The following DPYSL5 variants were observed in gnomAD, a reference collection of about 807,000 sequenced individuals.
DPYSL5 encodes dihydropyrimidinase like 5.
Under a neutral mutation model 58.4 loss-of-function variants are expected in DPYSL5, and 9 were observed. The observed-to-expected ratio is 0.15, with a 90% confidence interval of 0.09 to 0.27. The LOEUF (loss-of-function observed/expected upper bound fraction) is 0.27. Among genes scored for constraint, DPYSL5 ranks in the 10% least tolerant of loss-of-function variants. DPYSL5 has a pLI of 1.00. For missense variants in DPYSL5, 499 were observed against 770.6 expected (o/e 0.65, Z 4.17); for synonymous variants, 293 against 301.9 (o/e 0.97, Z 0.31).
chr2:26,881,137 G>A (rs1214970394), intron 1 of DPYSL5, among the ~76,000 whole-genome samples: 1 of 152,106 alleles, frequency 6.6e-6, no homozygotes, highest in African/African-American at 2.4e-5. Flanking sequence ...GCACAGCCAA[G>A]GTCACTGCCC....
chr2:26,912,538 T>C (rs1664468317), intron 2 of DPYSL5, among the ~76,000 whole-genome samples: 1 of 152,152 alleles, frequency 6.6e-6, no homozygotes, highest in Non-Finnish European at 1.5e-5. Flanking sequence ...GCTAAGGATG[T>C]GGGTGACAAA....
At position 26,944,938 on chromosome 2, in the gene DPYSL5, A is replaced by G. The variant is rs3739089; in HGVS notation, c.1609+114A>G. ...TGTCCTCTCCTCCCTCCCGTTGCCT[A>G]TTTCCAGGGATGAGTGCTGGTTTGG... On this transcript the variant is annotated intron_variant, in intron 12 of 12. Coordinates refer to ENST00000288699, the MANE Select transcript of DPYSL5 (RefSeq NM_020134.4). The surrounding 1 kb of genome is among the most constrained non-coding windows in gnomAD (Gnocchi z 4.4). The G allele has an allele frequency of 1.4e-5, 14 of 1,015,372 alleles. No homozygotes were observed. In the East Asian group the frequency reaches 3.3e-4, roughly 24 times the overall value. The allele number at this position is 1,015,372 out of a possible 1,614,324, so 62.9% of individuals were successfully genotyped here.
chr2:26,946,869 CACA>C, intron 12 of DPYSL5, 38 bp from the exon 13 acceptor site: 1 of 1,551,612 alleles, frequency 6.4e-7, no homozygotes, highest in Non-Finnish European at 8.9e-7. Context: ...TGTTAGCAGG[CACA>C]AGAGCCCGTC....
At chr2:26,880,824 T>G (rs1663542130) in intron 1 of DPYSL5, among the ~76,000 whole-genome samples, 1 of 152,134 alleles carries the variant, frequency 6.6e-6, no homozygotes, top group Non-Finnish European at 1.5e-5. Flanking sequence ...TCTTACAACT[T>G]CCCCAACCCA....
At chr2:26,880,453 G>A (rs1195991293) in intron 1 of DPYSL5, among the ~76,000 whole-genome samples, 4 of 152,166 alleles carry the variant, frequency 2.6e-5, no homozygotes, top group African/African-American at 9.7e-5. Flanking sequence ...TCCTGCTCCC[G>A]CTGTGCCAGG....
At chr2:26,882,111 A>AAG (rs1663583943) in intron 1 of DPYSL5, among the ~76,000 whole-genome samples, 1 of 149,092 alleles carries the variant, frequency 6.7e-6, no homozygotes, top group Non-Finnish European at 1.5e-5. Context: ...AAAAAAAAAA[A>AAG]AGAAAGAAAG....
Position 26,944,070 on chromosome 2 carries a change from T to C in DPYSL5, c.1441-586T>C, listed in dbSNP as rs762091024. Among the ~76,000 whole-genome samples, 7 of 152,070 alleles carry C rather than the reference T, an allele frequency of 4.6e-5. No individual in the cohort carries two copies. The highest frequency in any genetic ancestry group is 9.7e-5 in the African/African-American group (4 of 41,402). On this transcript the variant is annotated intron_variant, in intron 11 of 12. Coordinates refer to ENST00000288699, the MANE Select transcript of DPYSL5 (RefSeq NM_020134.4). The surrounding 1 kb of genome is among the most constrained non-coding windows in gnomAD (Gnocchi z 4.4). ...ACTTTGGGAGGCCGAGGCGGGTGGATCACGAGGTCAGGAGTTCAAGACCAG... is the reference window on the plus strand; with the variant it reads ...ACTTTGGGAGGCCGAGGCGGGTGGACCACGAGGTCAGGAGTTCAAGACCAG...
intron 4 of DPYSL5, among the ~76,000 whole-genome samples, chr2:26,928,030 A>C (rs1481809232): frequency 6.6e-6 from 1 of 152,218 alleles, no homozygotes; most frequent in Non-Finnish European, 1.5e-5. Flanking sequence ...TAAGAGAACA[A>C]GATATGTTCA....
intron 8 of DPYSL5, among the ~76,000 whole-genome samples, chr2:26,936,613 G>A (rs1463682010): frequency 1.3e-5 from 2 of 152,152 alleles, no homozygotes; most frequent in African/African-American, 4.8e-5. Flanking sequence ...AATATGGAGG[G>A]TAAAGATTAA....
At chr2:26,928,217 G>A (rs1468384963) in intron 4 of DPYSL5, 38 bp from the exon 5 acceptor site, 2 of 1,607,236 alleles carry the variant, frequency 1.2e-6, no homozygotes, top group South Asian at 2.2e-5. Context: ...CGGTGTCTCT[G>A]TGATTCTCTC....
intron 1 of DPYSL5, among the ~76,000 whole-genome samples, chr2:26,886,837 T>C (rs1414916086): frequency 6.6e-6 from 1 of 152,180 alleles, no homozygotes; most frequent in Non-Finnish European, 1.5e-5. Context: ...GGCTCTCCCA[T>C]TGAGAAGGCT....
chr2:26,931,750 G>A, intron 6 of DPYSL5, 66 bp downstream of exon 6: 9 of 1,565,772 alleles, frequency 5.7e-6, no homozygotes, highest in Non-Finnish European at 7.9e-6. Context: ...GCTGATGTCT[G>A]TAATCCCAGC....
intron 9 of DPYSL5, among the ~76,000 whole-genome samples, chr2:26,940,531 T>C (rs945577908): frequency 1.1e-4 from 17 of 151,428 alleles, no homozygotes; most frequent in African/African-American, 4.1e-4. Flanking sequence ...TTTTACTATG[T>C]TGTCCAGACA....
At chr2:26,937,581 G>A (rs1284802234) in intron 8 of DPYSL5, among the ~76,000 whole-genome samples, 1 of 151,032 alleles carries the variant, frequency 6.6e-6, no homozygotes, top group Non-Finnish European at 1.5e-5. Context: ...GGCCCTGCAG[G>A]AATAAAAAAG....
rs868865227 is a variant in DPYSL5, at chr2:26,872,201, G to T, written c.-5+23947G>T. On this transcript the variant is annotated intron_variant, in intron 1 of 12. Transcript: ENST00000288699. Reference sequence around the variant, plus strand: ...GAGGAGAGCAGGGAGCATGAGTCTGGCTCAGATGATGGCTGGAGTTGCGGG... The same window carrying T: ...GAGGAGAGCAGGGAGCATGAGTCTGTCTCAGATGATGGCTGGAGTTGCGGG... Among the ~76,000 whole-genome samples, 4 of 152,206 alleles carry T rather than the reference G, an allele frequency of 2.6e-5. No homozygotes were observed. In the South Asian group the frequency reaches 8.3e-4, roughly 31 times the overall value.
At chr2:26,916,786 C>T (rs1217844897) in intron 2 of DPYSL5, among the ~76,000 whole-genome samples, 2 of 152,162 alleles carry the variant, frequency 1.3e-5, no homozygotes, top group Admixed American at 6.5e-5. Context: ...CTCTTGCTGC[C>T]TTGTAGTCTC....
intron 1 of DPYSL5, among the ~76,000 whole-genome samples, chr2:26,896,068 G>A (rs1300403656): frequency 1.3e-5 from 2 of 151,914 alleles, no homozygotes; most frequent in Non-Finnish European, 2.9e-5. Context: ...ATGAGCCACC[G>A]CACCCAGCCT....
At position 26,942,764 on chromosome 2, in the gene DPYSL5, A is replaced by T; in HGVS notation, c.1440+14A>T. On this transcript the variant is annotated intron_variant, in intron 11 of 12. Transcript: ENST00000288699. The surrounding 1 kb of genome is among the most constrained non-coding windows in gnomAD (Gnocchi z 5.9). Reference sequence around the variant, plus strand: ...CAGAGAGAGAAGGTGAGGTGGGAGGAGGAAGATGCAGGGGTGTTGGCGCCC... The same window carrying T: ...CAGAGAGAGAAGGTGAGGTGGGAGGTGGAAGATGCAGGGGTGTTGGCGCCC... 1 of 1,611,644 alleles carries T rather than the reference A, an allele frequency of 6.2e-7. No individual in the cohort carries two copies. Among genetic ancestry groups the T allele is most frequent in the Non-Finnish European group, 8.5e-7 (1 of 1,178,216 alleles).
rs549014663 is a variant in DPYSL5 at position 26,877,051 on chromosome 2, C to T, written c.-4-21445C>T. Among the ~76,000 whole-genome samples, 5 of 150,932 alleles carry T rather than the reference C, an allele frequency of 3.3e-5. No homozygotes were observed. The highest frequency in any genetic ancestry group is 4.9e-5 in the African/African-American group (2 of 40,946). The stretch of plus-strand genomic sequence containing the variant: ...GCGTGATCTTGGCTCCCTGCAACCT[C>T]CGCCTCCCAGGTTCAAGCGATTCTC... On this transcript the variant is annotated intron_variant, in intron 1 of 12. Coordinates refer to ENST00000288699, the MANE Select transcript of DPYSL5 (RefSeq NM_020134.4). The surrounding 1 kb of genome is among the most constrained non-coding windows in gnomAD (Gnocchi z 4.1).
Sources: gnomAD v4.1 joint callset for allele counts (sites outside exome capture counted in the v4.1 genomes callset) on GRCh38, gnomAD v4.1.1 for gene constraint, Gnocchi (gnomAD v3.1) non-coding constraint, MANE v1.5 for transcripts, NCBI Gene and HGNC (gene_info 2026-07-23, HGNC 2026-07-21) for gene names.